Variants in DDX6 observed in about 807,000 individuals in gnomAD.
DDX6 encodes DEAD-box helicase 6.
Under a neutral mutation model 60.6 loss-of-function variants are expected in DDX6, and 7 were observed. The ratio of observed to expected loss-of-function variants is 0.12; its 90% CI spans 0.07 to 0.22. The LOEUF is 0.22. Among genes scored for constraint, DDX6 ranks in the 10% least tolerant of loss-of-function variants. The pLI is 1.00. For missense variants in DDX6, 270 were observed against 589.9 expected (o/e 0.46, Z 5.62); for synonymous variants, 207 against 201.0 (o/e 1.03, Z -0.25).
rs386375042 is a variant in DDX6, at chr11:118,749,358, G to GAAAAAAAAAAAAAAAA, written c.*2731_*2746dup. 6.5e-5 allele frequency: 6 copies of GAAAAAAAAAAAAAAAA among 91,770 alleles called. No individual in the cohort carries two copies. The highest frequency in any genetic ancestry group is 1.4e-4 in the Admixed American group (1 of 7,158). The allele number at this position is 91,770 out of a possible 1,614,324, so 5.7% of individuals were successfully genotyped here. A position where few individuals can be genotyped will look rare whatever the true frequency, so the allele number is the denominator to read the frequency against. ...TTATTATGAGGGCCCAAAAAAGAAAGAAAAAAAAAAAAAAAAAAAAAAAGA... is the reference window on the plus strand; with the variant it reads ...TTATTATGAGGGCCCAAAAAAGAAAGAAAAAAAAAAAAAAAAAAAAAAAAAAAAAAAAAAAAAAAGA... On this transcript the variant is annotated 3_prime_UTR_variant, in exon 14 of 14. Transcript: ENST00000534980.
chr11:118,756,197 CAG>C, intron 11 of DDX6, 61 bp downstream of exon 11: 1 of 1,364,966 alleles, frequency 7.3e-7, no homozygotes, highest in Non-Finnish European at 1.0e-6. Flanking sequence ...GTAATATGAA[CAG>C]AGAAAGCAAA....
chr11:118,788,734 G>C (rs1264136715), intron 1 of DDX6: 2 of 152,094 alleles, frequency 1.3e-5, no homozygotes, highest in Non-Finnish European at 2.9e-5. Flanking sequence ...CTGTTGCCCA[G>C]AGTGGAGTGC....
In DDX6 at chr11:118,758,756, C is replaced by A. The variant is rs939632387; in HGVS notation, c.993+18G>T. ...GGACTCGAGAGATAATATTCAACAG[C>A]AGAAGCCTACTTCTTACCCTGGAGA... is the stretch of plus-strand genomic sequence containing the variant. On this transcript the variant is annotated intron_variant, in intron 9 of 13. Transcript: ENST00000534980. 6.2e-7 allele frequency: 1 copy of A among 1,612,160 alleles called. No homozygotes were observed. The highest frequency in any genetic ancestry group is 8.5e-7 in the Non-Finnish European group (1 of 1,179,144).
intron 4 of DDX6, among the ~76,000 whole-genome samples, chr11:118,772,768 A>G (rs1332528123): frequency 1.3e-5 from 2 of 152,188 alleles, no homozygotes; most frequent in African/African-American, 2.4e-5. Context: ...ATGACTGAAG[A>G]GTATTTGTTG....
At chr11:118,773,866 A>AAAAAAAAACAAAACAAACAAAC (rs1420384298) in intron 4 of DDX6, among the ~76,000 whole-genome samples, 54 of 151,916 alleles carry the variant, frequency 3.6e-4, no homozygotes, top group African/African-American at 1.2e-3. Flanking sequence ...CACACACCAA[A>AAAAAAAAACAAAACAAACAAAC]AAAAAAAACA....
intron 7 of DDX6, among the ~76,000 whole-genome samples, chr11:118,762,493 A>T (rs1274823787): frequency 2.2e-5 from 1 of 45,910 alleles, no homozygotes; most frequent in East Asian, 6.1e-4. Flanking sequence ...ACCTTAGCTT[A>T]CAGTTGGGCA....
intron 6 of DDX6, among the ~76,000 whole-genome samples, chr11:118,764,590 G>A (rs2137457958): frequency 6.6e-6 from 1 of 152,110 alleles, no homozygotes; most frequent in East Asian, 1.9e-4. Context: ...GGATCACGAG[G>A]TCAGGAGATC....
rs1030238935 is a variant in DDX6 at position 118,781,192 on chromosome 11, G to A, written c.201-8C>T. 1 of 1,577,944 alleles carries A rather than the reference G, an allele frequency of 6.3e-7. No individual in the cohort carries two copies. The highest frequency in any genetic ancestry group is 1.1e-5 in the South Asian group (1 of 87,816). On this transcript the variant is annotated splice_region_variant and splice_polypyrimidine_tract_variant and intron_variant, in intron 2 of 13. Transcript: ENST00000534980. The stretch of plus-strand genomic sequence containing the variant: ...TTCCAGTCATCACCAGGTCTAGAGA[G>A]AATACAGTAAACTTGAAGTATCAAA...
At position 118,786,341 on chromosome 11, in the gene DDX6, T is replaced by C. The variant is rs529974819; in HGVS notation, c.-90A>G. On this transcript the variant is annotated 5_prime_UTR_variant, in exon 2 of 14. Transcript: ENST00000534980. The stretch of plus-strand genomic sequence containing the variant: ...TAACAGTTTATTAGGCTCTCCAAAA[T>C]GAAGAGATAAATATAAGTCTTGCTC... 5 of 1,126,216 alleles carry C rather than the reference T, an allele frequency of 4.4e-6. No individual in the cohort carries two copies. In the East Asian group the frequency reaches 1.2e-4, roughly 27 times the overall value. The allele number at this position is 1,126,216 out of a possible 1,614,324, so 69.8% of individuals were successfully genotyped here.
intron 1 of DDX6, chr11:118,790,483 A>G (rs528784799): frequency 6.6e-6 from 1 of 152,220 alleles, no homozygotes; most frequent in South Asian, 2.1e-4. Context: ...ACTGCAATCA[A>G]GCAGCGGCCG....
At chr11:118,789,411 C>G (rs1423429056) in intron 1 of DDX6, 4 of 152,136 alleles carry the variant, frequency 2.6e-5, no homozygotes, top group Admixed American at 1.3e-4. Flanking sequence ...AATACACTAG[C>G]TTACGAGTGC....
At chr11:118,775,883 C>T (rs942247701) in intron 4 of DDX6, among the ~76,000 whole-genome samples, 2 of 152,194 alleles carry the variant, frequency 1.3e-5, no homozygotes, top group Admixed American at 1.3e-4. Context: ...ATAATTCTAG[C>T]ACATTGGGAA....
rs1163915013 is a variant in DDX6, at chr11:118,748,101, C to CT, written c.*4003dup. The CT allele has an allele frequency of 6.6e-6, 1 of 152,094 alleles. No homozygotes were observed. Among genetic ancestry groups the CT allele is most frequent in the Non-Finnish European group, 1.5e-5 (1 of 68,022 alleles). The allele number at this position is 152,094 out of a possible 1,614,324, so 9.4% of individuals were successfully genotyped here. On this transcript the variant is annotated 3_prime_UTR_variant, in exon 14 of 14. Coordinates refer to ENST00000534980, the MANE Select transcript of DDX6 (RefSeq NM_004397.6). Reference sequence around the variant, plus strand: ...CCTGTTTCAAAAAAGGGAATAGTGACTTTGTTTTCTCCAGGCTCCCCTTCC... The same window carrying CT: ...CCTGTTTCAAAAAAGGGAATAGTGACTTTTGTTTTCTCCAGGCTCCCCTTCC...
chr11:118,768,038 T>TA (rs1861414127), intron 5 of DDX6, 185 bp downstream of exon 5: 1 of 578,906 alleles, frequency 1.7e-6, no homozygotes. Flanking sequence ...TAGAAATCTC[T>TA]AAAAAGCTGG....
chr11:118,791,170 C>G (rs1243353371), upstream of DDX6: 3 of 152,434 alleles, frequency 2.0e-5, no homozygotes, highest in Admixed American at 6.5e-5. Context: ...CCTCTGCCCC[C>G]TCCCTCGCTC....
chr11:118,765,407 C>T (rs1861316745), intron 5 of DDX6, 52 bp from the exon 6 acceptor site: 1 of 1,566,990 alleles, frequency 6.4e-7, no homozygotes, highest in South Asian at 1.1e-5. Flanking sequence ...GGTGGGAGAA[C>T]ATGCTATACA....
At chr11:118,769,531 A>G (rs1555161990) in intron 4 of DDX6, among the ~76,000 whole-genome samples, 1 of 152,194 alleles carries the variant, frequency 6.6e-6, no homozygotes, top group Non-Finnish European at 1.5e-5. Context: ...CCCAAAAGTT[A>G]CTTAAAAATA....
chr11:118,755,272 AAAC>A, intron 12 of DDX6, 127 bp downstream of exon 12: 1 of 614,804 alleles, frequency 1.6e-6, no homozygotes, highest in South Asian at 2.0e-5. Flanking sequence ...CTTAAATACC[AAAC>A]AACTGAATTA....
chr11:118,760,085 A>G, intron 7 of DDX6, 41 bp from the exon 8 acceptor site: 1 of 1,590,002 alleles, frequency 6.3e-7, no homozygotes, highest in Non-Finnish European at 8.6e-7. Context: ...ACAATAAAAT[A>G]ATGTCTAAGG....
Sources: allele counts gnomAD v4.1 joint callset (sites outside exome capture counted in the v4.1 genomes callset), GRCh38; gene constraint gnomAD v4.1.1; transcripts MANE v1.5; gene names NCBI Gene and HGNC (gene_info 2026-07-23, HGNC 2026-07-21).